The following PDZD8 variants were observed in gnomAD, a reference collection of about 807,000 sequenced individuals.
PDZD8 encodes the protein PDZ domain containing 8, also known as PDZ domain-containing protein 8.
In PDZD8, 14 loss-of-function variants were observed where a neutral mutation model predicts 85.8. That is an observed-to-expected ratio of 0.16 (90% CI 0.11 to 0.26). The LOEUF (loss-of-function observed/expected upper bound fraction) is 0.26, where lower values mean the gene tolerates loss of function less well. PDZD8 is among the 10% of genes least tolerant of loss of function. The probability of loss-of-function intolerance (pLI) is 1.00; values close to 1 mark genes in which losing one functional copy is unlikely to be tolerated. For synonymous variants in PDZD8, 592 were observed against 568.6 expected (o/e 1.04, Z -0.59); for missense variants, 1,197 against 1,424.3 (o/e 0.84, Z 2.57).
chr10:117,349,713 G>A (rs561253007), intron 1 of PDZD8, among the ~76,000 whole-genome samples: 1 of 152,130 alleles, frequency 6.6e-6, no homozygotes, highest in Non-Finnish European at 1.5e-5. Context: ...TGGGGCAGGA[G>A]GATCATTTGA....
In PDZD8 at chr10:117,374,467, T is replaced by A. The variant is rs1845253583; in HGVS notation, c.761A>T (p.Glu254Val). 6.2e-7 allele frequency: 1 copy of A among 1,614,116 alleles called. No individual in the cohort carries two copies. The highest frequency in any genetic ancestry group is 8.5e-7 in the Non-Finnish European group (1 of 1,179,998). ...SFVEDPLIDF[E>V]VRSQFEGRPM... ...CCGCCCTTCAAACTGGGAGCGCACC[T>A]CGAAGTCGATCAGCGGGTCTTCCAC... is the stretch of plus-strand genomic sequence containing the variant. The change falls in exon 1 of 5, where the codon GAG (glutamate) becomes GTG (valine). Residue 254 changes from glutamate (E) to valine (V), a missense_variant. Physicochemically the swap from Glu to Val is moderately radical, Grantham distance 121. Transcript: ENST00000334464. This position sits in a 1 kb window ranked among gnomAD's most constrained non-coding sequence, Gnocchi z 7.8.
At chr10:117,348,276 G>C (rs926684538) in intron 1 of PDZD8, among the ~76,000 whole-genome samples, 1 of 152,284 alleles carries the variant, frequency 6.6e-6, no homozygotes, top group Non-Finnish European at 1.5e-5. Flanking sequence ...CCCTTTTAAT[G>C]CTTATGAAAA....
chr10:117,350,079 T>G (rs1454035513), intron 1 of PDZD8, among the ~76,000 whole-genome samples: 1 of 152,114 alleles, frequency 6.6e-6, no homozygotes, highest in Non-Finnish European at 1.5e-5. Context: ...GGCATTATAT[T>G]AATTAACTTA....
intron 1 of PDZD8, among the ~76,000 whole-genome samples, chr10:117,366,570 C>CTGT (rs1845094540): frequency 2.0e-5 from 3 of 149,814 alleles, no homozygotes; most frequent in East Asian, 2.0e-4. Flanking sequence ...ACCACTACCA[C>CTGT]CACCACCACT....
At chr10:117,339,305 C>T (rs879098859) in intron 2 of PDZD8, among the ~76,000 whole-genome samples, 1 of 152,070 alleles carries the variant, frequency 6.6e-6, no homozygotes, top group Non-Finnish European at 1.5e-5. Context: ...GTGGTACAAA[C>T]AAGTGTCAAA....
rs368062343 is a variant in PDZD8 at position 117,374,347 on chromosome 10, C to T, written c.872+9G>A. 5.6e-4 allele frequency: 894 copies of T among 1,610,708 alleles called. No homozygotes were observed. The highest frequency in any genetic ancestry group is 6.6e-4 in the Non-Finnish European group (781 of 1,177,306). Reference sequence around the variant, plus strand: ...GGCAGCCAGGCCCCCTCCCCGACCTCCAGCTCACCTGATCTTGTAATTCGG... The same window carrying T: ...GGCAGCCAGGCCCCCTCCCCGACCTTCAGCTCACCTGATCTTGTAATTCGG... On this transcript the variant is annotated intron_variant, in intron 1 of 4. Transcript: ENST00000334464. The surrounding 1 kb of genome is among the most constrained non-coding windows in gnomAD (Gnocchi z 7.8).
intron 1 of PDZD8, among the ~76,000 whole-genome samples, chr10:117,341,750 C>T (rs1269113773): frequency 6.6e-6 from 1 of 152,142 alleles, no homozygotes; most frequent in Non-Finnish European, 1.5e-5. Flanking sequence ...TATTTTCAAT[C>T]CACAGTTGTT....
At chr10:117,306,580 T>C (rs141852550) in intron 3 of PDZD8, among the ~76,000 whole-genome samples, 1 of 152,210 alleles carries the variant, frequency 6.6e-6, no homozygotes, top group East Asian at 1.9e-4. Flanking sequence ...CTCAACTTCA[T>C]ATAGTATCAC....
chr10:117,365,306 G>A (rs1432985051), intron 1 of PDZD8, among the ~76,000 whole-genome samples: 1 of 151,964 alleles, frequency 6.6e-6, no homozygotes, highest in Non-Finnish European at 1.5e-5. Flanking sequence ...AATGAAGTAG[G>A]TATATATAGA....
chr10:117,362,487 C>G (rs1845015611), intron 1 of PDZD8, among the ~76,000 whole-genome samples: 1 of 152,060 alleles, frequency 6.6e-6, no homozygotes, highest in South Asian at 2.1e-4. Flanking sequence ...TAATCCTACT[C>G]TTTCAGGGCA....
chr10:117,288,832 T>C (rs1844710689), intron 4 of PDZD8, among the ~76,000 whole-genome samples: 1 of 152,200 alleles, frequency 6.6e-6, no homozygotes, highest in African/African-American at 2.4e-5. Flanking sequence ...TTAACAAATG[T>C]TAGATGTCAA....
At chr10:117,362,922 A>G (rs1412381137) in intron 1 of PDZD8, among the ~76,000 whole-genome samples, 1 of 152,134 alleles carries the variant, frequency 6.6e-6, no homozygotes, top group Non-Finnish European at 1.5e-5. Flanking sequence ...TCCCATGGCA[A>G]GAGTTTGCCA....
At chr10:117,312,916 A>G (rs1487756504) in intron 3 of PDZD8, among the ~76,000 whole-genome samples, 4 of 152,222 alleles carry the variant, frequency 2.6e-5, no homozygotes, top group African/African-American at 4.8e-5. Flanking sequence ...TCATAGTTTT[A>G]AAATAAGGGT....
At chr10:117,334,665 G>T (rs1355282124) in intron 2 of PDZD8, among the ~76,000 whole-genome samples, 1 of 151,836 alleles carries the variant, frequency 6.6e-6, no homozygotes, top group Non-Finnish European at 1.5e-5. Flanking sequence ...GAACAGATAG[G>T]AAATATCAAC....
intron 1 of PDZD8, among the ~76,000 whole-genome samples, chr10:117,357,348 T>C (rs1316912941): frequency 4.6e-5 from 7 of 152,080 alleles, no homozygotes; most frequent in South Asian, 2.1e-4. Flanking sequence ...TGAGCCAAGA[T>C]TGCACCACTG....
At position 117,375,184 on chromosome 10, in the gene PDZD8, G is replaced by A. The variant is rs1457164064; in HGVS notation, c.44C>T (p.Ser15Phe). The change falls in exon 1 of 5, where the codon TCC becomes TTC. Residue 15 changes from serine (S) to phenylalanine (F), a missense_variant. By Grantham distance (155) the Ser-to-Phe change is radical. Around this residue, in one of 4 missense-constraint regions of PDZD8, gnomAD observed 172 missense variants for 137.8 expected, o/e 1.25. Transcript: ENST00000334464. ...LMILASAVLG[S>F]FLTLLAQFFL... ...GAACTGGGCGAGGAGCGTGAGGAAG[G>A]AACCCAGCACGGCCGACGCCAGGAT... The A allele has an allele frequency of 1.3e-6, 2 of 1,575,366 alleles. No individual in the cohort carries two copies. The highest frequency in any genetic ancestry group is 2.7e-5 in the African/African-American group (2 of 73,964).
At position 117,374,631 on chromosome 10, in the gene PDZD8, G is replaced by A. The variant is rs114354567; in HGVS notation, c.597C>T (p.Asn199=). 67 of 1,583,528 alleles carry A rather than the reference G, an allele frequency of 4.2e-5. No individual in the cohort carries two copies. In the East Asian group the frequency reaches 1.3e-3, roughly 32 times the overall value. The part of the protein sequence containing the change: ...ELAFEAEVEY[N]GGFHLAIDVD... The stretch of plus-strand genomic sequence containing the variant: ...CGTCGATGGCCAGGTGGAAGCCCCC[G>A]TTGTACTCCACCTCCGCCTCGAAGG... Residue 199 remains asparagine (N), a synonymous_variant, in exon 1 of 5, where the codon AAC becomes AAT. Transcript: ENST00000334464. This position sits in a 1 kb window ranked among gnomAD's most constrained non-coding sequence, Gnocchi z 7.8.
At chr10:117,352,246 A>G (rs977786137) in intron 1 of PDZD8, among the ~76,000 whole-genome samples, 14 of 152,168 alleles carry the variant, frequency 9.2e-5, no homozygotes, top group African/African-American at 3.1e-4. Context: ...CTACAACCCA[A>G]TGTAAAAATA....
intron 1 of PDZD8, among the ~76,000 whole-genome samples, chr10:117,371,467 G>A (rs2133896012): frequency 6.6e-6 from 1 of 152,288 alleles, no homozygotes; most frequent in South Asian, 2.1e-4. Flanking sequence ...TCACAGGCGT[G>A]AACCACTGCA....
Sources: allele counts gnomAD v4.1 joint callset (sites outside exome capture counted in the v4.1 genomes callset), GRCh38; gene constraint gnomAD v4.1.1; regional missense constraint gnomAD v4.1.1; non-coding constraint Gnocchi (gnomAD v3.1); transcripts MANE v1.5; gene names NCBI Gene and HGNC (gene_info 2026-07-23, HGNC 2026-07-21).